The following AKIRIN2 variants were observed in gnomAD, a reference collection of about 807,000 sequenced individuals.
AKIRIN2 encodes akirin-2.
AKIRIN2 carries 6 observed loss-of-function variants against 29.3 expected under a neutral mutation model. The ratio of observed to expected loss-of-function variants is 0.20; its 90% CI spans 0.11 to 0.40. The LOEUF is 0.40. Among genes scored for constraint, AKIRIN2 ranks in the 10% least tolerant of loss-of-function variants. The probability of loss-of-function intolerance (pLI) is 1.00; values close to 1 mark genes in which losing one functional copy is unlikely to be tolerated. For missense variants in AKIRIN2, 210 were observed against 276.1 expected (o/e 0.76, Z 1.70); for synonymous variants, 128 against 117.5 (o/e 1.09, Z -0.58).
intron 1 of AKIRIN2, among the ~76,000 whole-genome samples, chr6:87,691,775 T>C (rs1771281596): frequency 6.6e-6 from 1 of 152,194 alleles, no homozygotes; most frequent in African/African-American, 2.4e-5. Context: ...AGAGGAGGAC[T>C]GATTGAGTGT....
intron 1 of AKIRIN2, among the ~76,000 whole-genome samples, chr6:87,686,867 G>A (rs1372315238): frequency 6.6e-6 from 1 of 151,668 alleles, no homozygotes; most frequent in Non-Finnish European, 1.5e-5. Context: ...CCAACATGAC[G>A]AAACCCTGTC....
intron 1 of AKIRIN2, among the ~76,000 whole-genome samples, chr6:87,686,123 G>A (rs1184756554): frequency 6.6e-6 from 1 of 152,138 alleles, no homozygotes; most frequent in African/African-American, 2.4e-5. Flanking sequence ...GCAGAGGCAG[G>A]AGAATTGCTT....
chr6:87,686,344 TA>T (rs1771184972), intron 1 of AKIRIN2, among the ~76,000 whole-genome samples: 1 of 151,892 alleles, frequency 6.6e-6, no homozygotes, highest in African/African-American at 2.4e-5. Context: ...AGTTATGGGA[TA>T]AAAAGCATAA....
intron 1 of AKIRIN2, among the ~76,000 whole-genome samples, chr6:87,690,921 G>A (rs9444534): frequency 0.3 from 45,823 of 151,746 alleles, 7,138 homozygotes; most frequent in Admixed American, 0.4. Flanking sequence ...TGCAGCGAGC[G>A]GAGACTGCAC....
rs932035684 is a variant in AKIRIN2, at chr6:87,691,298, G to A, written c.236-9535C>T. 8.6e-5 allele frequency among the ~76,000 whole-genome samples: 13 copies of A among 151,606 alleles called. No homozygotes were observed. The East Asian group carries it at 1.7e-3, about 20-fold the overall frequency. Reference sequence around the variant, plus strand: ...TCTACTAAAAATACAAAAATTAGCCGGGCATGGTGATACACATCTGTAATC... The same window carrying A: ...TCTACTAAAAATACAAAAATTAGCCAGGCATGGTGATACACATCTGTAATC... On this transcript the variant is annotated intron_variant, in intron 1 of 4. Transcript: ENST00000257787.
intron 1 of AKIRIN2, among the ~76,000 whole-genome samples, chr6:87,694,606 A>G (rs1771329509): frequency 6.6e-6 from 1 of 152,188 alleles, no homozygotes; most frequent in Non-Finnish European, 1.5e-5. Context: ...AGTCAAATCC[A>G]GAAGTTGTAT....
At chr6:87,677,485 G>C (rs1771038527) in intron 3 of AKIRIN2, among the ~76,000 whole-genome samples, 2 of 152,126 alleles carry the variant, frequency 1.3e-5, no homozygotes, top group South Asian at 4.1e-4. Context: ...CAGCCAATTA[G>C]ATATTTTAAA....
At chr6:87,700,277 A>AAC (rs1771438570) in intron 1 of AKIRIN2, among the ~76,000 whole-genome samples, 1 of 142,448 alleles carries the variant, frequency 7.0e-6, no homozygotes, top group Non-Finnish European at 1.6e-5. Flanking sequence ...CAAAAAAAAA[A>AAC]AAACACTAAA....
At position 87,701,566 on chromosome 6, in the gene AKIRIN2, G is replaced by A; in HGVS notation, c.119C>T (p.Pro40Leu). The A allele has an allele frequency of 2.8e-6, 4 of 1,414,704 alleles. No homozygotes were observed. The highest frequency in any genetic ancestry group is 3.7e-6 in the Non-Finnish European group (4 of 1,085,476). 87.6% of individuals were successfully genotyped at this position (1,414,704 alleles called of 1,614,324 possible). Reference sequence around the variant, plus strand: ...GGCGGTGGCCGCGGCCGCCGACAACGGGGAGGCAGCGGCCGAGGTGGGCGC... The same window carrying A: ...GGCGGTGGCCGCGGCCGCCGACAACAGGGAGGCAGCGGCCGAGGTGGGCGC... The part of the protein sequence containing the change: ...LSAPTSAAAS[P>L]LSAAAATAAS... The change falls in exon 1 of 5, where the codon CCG becomes CTG. Residue 40 changes from proline to leucine, a missense_variant. Pro to Leu is a moderately conservative substitution (Grantham distance 98). This residue lies in a region of AKIRIN2 where 199 missense variants were observed against 236.5 expected (regional missense o/e 0.84). Coordinates refer to ENST00000257787, the MANE Select transcript of AKIRIN2 (RefSeq NM_018064.4).
At chr6:87,690,379 C>A (rs1771259975) in intron 1 of AKIRIN2, among the ~76,000 whole-genome samples, 1 of 152,098 alleles carries the variant, frequency 6.6e-6, no homozygotes, top group Admixed American at 6.5e-5. Flanking sequence ...ATTTTGCCAC[C>A]CTCACCTGAA....
At chr6:87,700,472 A>T (rs1044237555) in intron 1 of AKIRIN2, 24 of 152,250 alleles carry the variant, frequency 1.6e-4, no homozygotes, top group African/African-American at 4.8e-4. Flanking sequence ...TCTAGTCCAC[A>T]AAAGCCTATC....
chr6:87,676,339 G>A (rs533648725), intron 3 of AKIRIN2, among the ~76,000 whole-genome samples: 6 of 146,612 alleles, frequency 4.1e-5, no homozygotes, highest in East Asian at 2.0e-4. Context: ...GTGGCAGGCC[G>A]CCTGTAGTCC....
intron 1 of AKIRIN2, among the ~76,000 whole-genome samples, chr6:87,690,044 C>A (rs527262524): frequency 6.6e-6 from 1 of 152,158 alleles, no homozygotes; most frequent in African/African-American, 2.4e-5. Flanking sequence ...AACCCTGTCT[C>A]TACTAAAACT....
chr6:87,678,650 T>C (rs1771066366), intron 2 of AKIRIN2, among the ~76,000 whole-genome samples: 1 of 152,238 alleles, frequency 6.6e-6, no homozygotes, highest in Non-Finnish European at 1.5e-5. Context: ...ATTACTTTCC[T>C]ACACTAGGAA....
chr6:87,698,263 A>G (rs572707691), intron 1 of AKIRIN2, among the ~76,000 whole-genome samples: 1 of 152,240 alleles, frequency 6.6e-6, no homozygotes, highest in Admixed American at 6.5e-5. Context: ...ACATGAGGGT[A>G]AGCAAACTTT....
Position 87,701,814 on chromosome 6 carries a change from T to G in AKIRIN2, c.-130A>C. 1 of 613,466 alleles carries G rather than the reference T, an allele frequency of 1.6e-6. No individual in the cohort carries two copies. The highest frequency in any genetic ancestry group is 2.5e-6 in the Non-Finnish European group (1 of 403,708). The allele number at this position is 613,466 out of a possible 1,614,324, so 38.0% of individuals were successfully genotyped here. On this transcript the variant is annotated 5_prime_UTR_variant, in exon 1 of 5. Coordinates refer to ENST00000257787, the MANE Select transcript of AKIRIN2 (RefSeq NM_018064.4). ...CCGACGGGCTCAGGAGCCAAGCGGGTCGCGGAGCGCCGGCTGTGGAAAGGA... is the reference window on the plus strand; with the variant it reads ...CCGACGGGCTCAGGAGCCAAGCGGGGCGCGGAGCGCCGGCTGTGGAAAGGA...
At chr6:87,676,415 A>T (rs1212539345) in intron 3 of AKIRIN2, among the ~76,000 whole-genome samples, 2 of 136,776 alleles carry the variant, frequency 1.5e-5, no homozygotes, top group Admixed American at 1.5e-4. Flanking sequence ...GCAGTGAGCC[A>T]AGAACGCGCC....
In AKIRIN2 at chr6:87,701,724, G is replaced by T; in HGVS notation, c.-40C>A. ...GAGGCGCCGGGCTCGGGTGGGGTCGGGGACGGGTGACGAAAGAAGAGGGTG... is the reference window on the plus strand; with the variant it reads ...GAGGCGCCGGGCTCGGGTGGGGTCGTGGACGGGTGACGAAAGAAGAGGGTG... On this transcript the variant is annotated 5_prime_UTR_variant, in exon 1 of 5. Coordinates refer to ENST00000257787, the MANE Select transcript of AKIRIN2 (RefSeq NM_018064.4). 2.2e-6 allele frequency: 3 copies of T among 1,369,970 alleles called. No homozygotes were observed. Among genetic ancestry groups the T allele is most frequent in the Non-Finnish European group, 2.9e-6 (3 of 1,045,442 alleles). The allele number at this position is 1,369,970 out of a possible 1,614,324, so 84.9% of individuals were successfully genotyped here. A position where few individuals can be genotyped will look rare whatever the true frequency, so the allele number is the denominator to read the frequency against.
rs1254532004 is a variant in AKIRIN2 at position 87,701,694 on chromosome 6, C to A, written c.-10G>T. On this transcript the variant is annotated 5_prime_UTR_variant, in exon 1 of 5. Coordinates refer to ENST00000257787, the MANE Select transcript of AKIRIN2 (RefSeq NM_018064.4). ...TGGCTCCGCACGCCATGGCCGGGGG[C>A]AGCTGAGGCGCCGGGCTCGGGTGGG... 6.9e-7 allele frequency: 1 copy of A among 1,442,054 alleles called. No individual in the cohort carries two copies. The highest frequency in any genetic ancestry group is 9.1e-7 in the Non-Finnish European group (1 of 1,099,850). The allele number at this position is 1,442,054 out of a possible 1,614,324, so 89.3% of individuals were successfully genotyped here.
Sources: allele counts gnomAD v4.1 joint callset (sites outside exome capture counted in the v4.1 genomes callset), GRCh38; gene constraint gnomAD v4.1.1; regional missense constraint gnomAD v4.1.1; transcripts MANE v1.5; gene names NCBI Gene and HGNC (gene_info 2026-07-23, HGNC 2026-07-21).